The following TMCO5A variants were observed in gnomAD, a reference collection of about 807,000 sequenced individuals.
TMCO5A encodes transmembrane and coiled-coil domains 5A.
In TMCO5A, 34 loss-of-function variants were observed where a neutral mutation model predicts 42.3. That is an observed-to-expected ratio of 0.80 (90% CI 0.61 to 1.07). The LOEUF (loss-of-function observed/expected upper bound fraction) is 1.07. Among genes scored for constraint, TMCO5A ranks in the 50% least tolerant of loss-of-function variants. The probability of loss-of-function intolerance (pLI) is 0.00; values close to 1 mark genes in which losing one functional copy is unlikely to be tolerated. For missense variants in TMCO5A, 357 were observed against 327.9 expected (o/e 1.09, Z -0.69); for synonymous variants, 131 against 115.6 (o/e 1.13, Z -0.86).
At chr15:38,027,926 T>C in the TMCO5A span, among the ~76,000 whole-genome samples, 6 of 152,278 alleles carry the variant, frequency 3.9e-5, no homozygotes, top group African/African-American at 1.4e-4. Flanking sequence ...TCCCCAGACA[T>C]GTGGAACTGT....
chr15:37,990,702 A>G, the TMCO5A span, among the ~76,000 whole-genome samples: 2 of 151,696 alleles, frequency 1.3e-5, no homozygotes, highest in Non-Finnish European at 2.9e-5. Flanking sequence ...TTTCACCCTC[A>G]TTTCCTGCAT....
chr15:38,008,614 A>C, the TMCO5A span, among the ~76,000 whole-genome samples: 1 of 152,100 alleles, frequency 6.6e-6, no homozygotes, highest in Admixed American at 6.5e-5. Flanking sequence ...CTAAATACCA[A>C]TAAGCTTCTG....
At chr15:37,970,578 C>G (rs139926677), downstream of TMCO5A, among the ~76,000 whole-genome samples, 2,438 of 152,318 alleles carry the variant, frequency 0.016, 73 homozygotes, top group African/African-American at 0.055. Context: ...TCTGCATTAA[C>G]TCAAAAGTCC....
At chr15:37,969,961 G>GT (rs1890644642), downstream of TMCO5A, among the ~76,000 whole-genome samples, 2 of 152,118 alleles carry the variant, frequency 1.3e-5, no homozygotes, top group African/African-American at 4.8e-5. Context: ...CTTTGCTATT[G>GT]TGAGTAGTGC....
downstream of TMCO5A, among the ~76,000 whole-genome samples, chr15:37,953,625 C>A (rs541680165): frequency 6.6e-6 from 1 of 152,072 alleles, no homozygotes; most frequent in East Asian, 1.9e-4. Context: ...ATTGAGAAGA[C>A]TACAATAAAT....
At chr15:37,996,147 G>C in the TMCO5A span, among the ~76,000 whole-genome samples, 2 of 152,264 alleles carry the variant, frequency 1.3e-5, no homozygotes, top group East Asian at 3.9e-4. Context: ...AATCATTTTA[G>C]CAACCCTGGG....
At chr15:37,998,608 G>A in the TMCO5A span, among the ~76,000 whole-genome samples, 1 of 152,120 alleles carries the variant, frequency 6.6e-6, no homozygotes. Flanking sequence ...TAGCTCTGTA[G>A]TATAATTTGA....
At chr15:37,998,477 C>T in the TMCO5A span, among the ~76,000 whole-genome samples, 1 of 152,120 alleles carries the variant, frequency 6.6e-6, no homozygotes, top group Non-Finnish European at 1.5e-5. Flanking sequence ...TCTGTGTGTT[C>T]TTGGCACCTT....
At chr15:37,981,431 C>A in the TMCO5A span, among the ~76,000 whole-genome samples, 1,174 of 152,264 alleles carry the variant, frequency 7.7e-3, 20 homozygotes, top group African/African-American at 0.026. Context: ...ATTAACTTTG[C>A]TTCCTTAAAA....
At chr15:37,990,958 A>G in the TMCO5A span, among the ~76,000 whole-genome samples, 1 of 152,072 alleles carries the variant, frequency 6.6e-6, no homozygotes, top group East Asian at 1.9e-4. Context: ...ACGTCTTTAT[A>G]CGTTGTGTGT....
At chr15:38,022,521 C>T in the TMCO5A span, among the ~76,000 whole-genome samples, 1 of 152,186 alleles carries the variant, frequency 6.6e-6, no homozygotes, top group East Asian at 1.9e-4. Context: ...AGGCAGAGCA[C>T]AGAGGATTTT....
chr15:37,941,758 A>G (rs772500016), intron 8 of TMCO5A, 28 bp downstream of exon 8: 1 of 1,571,936 alleles, frequency 6.4e-7, no homozygotes, highest in Non-Finnish European at 8.8e-7. Context: ...AGGGATAGCA[A>G]AGGGTTTATT....
chr15:37,996,748 A>G, the TMCO5A span, among the ~76,000 whole-genome samples: 1 of 152,142 alleles, frequency 6.6e-6, no homozygotes, highest in Non-Finnish European at 1.5e-5. Flanking sequence ...ACTAATAACA[A>G]TGATAACCAT....
At chr15:37,949,152 A>G (rs1016452470) in intron 11 of TMCO5A, among the ~76,000 whole-genome samples, 2 of 152,142 alleles carry the variant, frequency 1.3e-5, no homozygotes, top group African/African-American at 4.8e-5. Context: ...GAAAGAAAAA[A>G]AAATCAAGAC....
chr15:37,981,200 C>CAAAAA, the TMCO5A span, among the ~76,000 whole-genome samples: 96 of 65,154 alleles, frequency 1.5e-3, no homozygotes, highest in Non-Finnish European at 2.0e-3. Flanking sequence ...AGAAAGCCAG[C>CAAAAA]AAAAAAAAAA....
At chr15:38,006,680 A>T in the TMCO5A span, among the ~76,000 whole-genome samples, 1 of 152,186 alleles carries the variant, frequency 6.6e-6, no homozygotes, top group Non-Finnish European at 1.5e-5. Context: ...ATAAAATAAA[A>T]TCCCTATGCA....
downstream of TMCO5A, among the ~76,000 whole-genome samples, chr15:37,955,654 T>G (rs149580319): frequency 5.3e-5 from 8 of 152,218 alleles, no homozygotes; most frequent in Admixed American, 5.2e-4. Flanking sequence ...TGGAAGACTT[T>G]AACATCCCAC....
At chr15:37,957,978 A>T (rs957851641) in intron 11 of TMCO5A, among the ~76,000 whole-genome samples, 2 of 152,172 alleles carry the variant, frequency 1.3e-5, no homozygotes, top group Non-Finnish European at 2.9e-5. Flanking sequence ...TGACAAAAAC[A>T]AGCAATGGGG....
chr15:37,982,507 A>G, the TMCO5A span, among the ~76,000 whole-genome samples: 4 of 139,016 alleles, frequency 2.9e-5, no homozygotes, highest in Non-Finnish European at 4.6e-5. Context: ...TATATAATAG[A>G]TATTATATAT....
Sources: allele counts gnomAD v4.1 joint callset (sites outside exome capture counted in the v4.1 genomes callset), GRCh38; gene constraint gnomAD v4.1.1; transcripts MANE v1.5; gene names NCBI Gene and HGNC (gene_info 2026-07-23, HGNC 2026-07-21).